Variants in CTCF observed in about 807,000 individuals in gnomAD.
CTCF encodes CCCTC-binding factor.
A neutral mutation model predicts 72.3 loss-of-function variants in CTCF; 7 were observed. The ratio of observed to expected loss-of-function variants is 0.10; its 90% confidence interval spans 0.06 to 0.18. The LOEUF (loss-of-function observed/expected upper bound fraction) is 0.18. Among genes scored for constraint, CTCF ranks in the 10% least tolerant of loss-of-function variants. CTCF has a pLI of 1.00. For synonymous variants in CTCF, 374 were observed against 315.8 expected (o/e 1.18, Z -1.95); for missense variants, 516 against 949.1 (o/e 0.54, Z 6.00).
At position 67,626,725 on chromosome 16, in the gene CTCF, T is replaced by G; in HGVS notation, c.1518+10T>G. On this transcript the variant is annotated intron_variant, in intron 8 of 11. Coordinates refer to ENST00000264010, the MANE Select transcript of CTCF (RefSeq NM_006565.4). ...TTACGCTTGTAGACAGGTAGGAACCTTCATTGAAAGTTGTTGGTGCTTTCT... is the reference window on the plus strand; with the variant it reads ...TTACGCTTGTAGACAGGTAGGAACCGTCATTGAAAGTTGTTGGTGCTTTCT... The G allele has an allele frequency of 7.1e-7, 1 of 1,401,622 alleles. No homozygotes were observed. The allele number at this position is 1,401,622 out of a possible 1,614,324, so 86.8% of individuals were successfully genotyped here.
intron 1 of CTCF, among the ~76,000 whole-genome samples, chr16:67,567,091 C>G (rs537475766): frequency 1.3e-5 from 2 of 152,230 alleles, no homozygotes; most frequent in Admixed American, 6.5e-5. Flanking sequence ...GTCTGTCTGC[C>G]TTGGCCTCCC....
intron 2 of CTCF, among the ~76,000 whole-genome samples, chr16:67,573,240 CTG>C (rs2051448792): frequency 2.6e-5 from 4 of 151,096 alleles, no homozygotes; most frequent in Non-Finnish European, 5.9e-5. Flanking sequence ...GAGTGAGACT[CTG>C]TCTCAAAAAA....
chr16:67,564,388 C>A (rs991790787), intron 1 of CTCF, among the ~76,000 whole-genome samples: 2 of 152,212 alleles, frequency 1.3e-5, no homozygotes, highest in African/African-American at 4.8e-5. Context: ...CTGGTCCTAA[C>A]CAAAGTTGTC....
In CTCF at chr16:67,614,085, G is replaced by A. The variant is rs375042561; in HGVS notation, c.952+1964G>A. On this transcript the variant is annotated intron_variant, in intron 4 of 11. Coordinates refer to ENST00000264010, the MANE Select transcript of CTCF (RefSeq NM_006565.4). ...GTAGCAGCCGGGCGCCGTAGCTCTCGCCTGTAATCCCATCACTTTGGGAGG... is the reference window on the plus strand; with the variant it reads ...GTAGCAGCCGGGCGCCGTAGCTCTCACCTGTAATCCCATCACTTTGGGAGG... 6.4e-4 allele frequency among the ~76,000 whole-genome samples: 98 copies of A among 152,186 alleles called. 1 individual carries two copies. Among genetic ancestry groups the A allele is most frequent in the African/African-American group, 2.1e-3 (87 of 41,536 alleles).
intron 1 of CTCF, among the ~76,000 whole-genome samples, chr16:67,570,559 A>G (rs1167895350): frequency 2.0e-5 from 3 of 150,010 alleles, no homozygotes; most frequent in Non-Finnish European, 4.4e-5. Context: ...CACCATTCTC[A>G]GCCTCCCAAG....
chr16:67,586,644 T>C (rs942573487), intron 2 of CTCF, among the ~76,000 whole-genome samples: 3 of 152,000 alleles, frequency 2.0e-5, no homozygotes, highest in Non-Finnish European at 4.4e-5. Context: ...TTCCAGACTG[T>C]GTCTCAAAAA....
intron 2 of CTCF, among the ~76,000 whole-genome samples, chr16:67,600,814 A>T (rs941958317): frequency 4.6e-5 from 7 of 152,110 alleles, no homozygotes; most frequent in Admixed American, 4.6e-4. Flanking sequence ...ATATTAGGTG[A>T]TTTTCGTAAT....
Position 67,601,325 on chromosome 16 carries a change from G to A in CTCF, c.-9-9499G>A, listed in dbSNP as rs553530359. Among the ~76,000 whole-genome samples the A allele has an allele frequency of 6.3e-5, 9 of 142,812 alleles. No individual in the cohort carries two copies. In the East Asian group the frequency reaches 7.8e-4, roughly 12 times the overall value. 93.7% of individuals were successfully genotyped at this position (142,812 alleles called of 152,430 possible). A position where few individuals can be genotyped will look rare whatever the true frequency, so the allele number is the denominator to read the frequency against. On this transcript the variant is annotated intron_variant, in intron 2 of 11. Transcript: ENST00000264010. ...TGTGTGTGTGTGTGTGTGTGTGTGT[G>A]TGTGTGTGTGTGTTTTGTTTTGTTT...
intron 2 of CTCF, among the ~76,000 whole-genome samples, chr16:67,574,977 G>C (rs937328004): frequency 6.6e-6 from 1 of 152,018 alleles, no homozygotes; most frequent in African/African-American, 2.4e-5. Flanking sequence ...ATTCTTAACT[G>C]TGTGTTTTAC....
chr16:67,605,862 GAC>G (rs1357776184), intron 2 of CTCF, among the ~76,000 whole-genome samples: 3 of 152,178 alleles, frequency 2.0e-5, no homozygotes, highest in African/African-American at 7.2e-5. Flanking sequence ...TGGATGAAAA[GAC>G]AGCTTGACTG....
chr16:67,573,845 A>C (rs1207267000), intron 2 of CTCF, among the ~76,000 whole-genome samples: 1 of 152,082 alleles, frequency 6.6e-6, no homozygotes, highest in African/African-American at 2.4e-5. Context: ...ATCCTGACCA[A>C]CATGGTGAAA....
chr16:67,613,064 C>T (rs1045689448), intron 4 of CTCF, among the ~76,000 whole-genome samples: 2 of 152,224 alleles, frequency 1.3e-5, no homozygotes, highest in Non-Finnish European at 2.9e-5. Flanking sequence ...ATCCTACTTA[C>T]TTTAGTGTTC....
intron 2 of CTCF, among the ~76,000 whole-genome samples, chr16:67,582,053 C>G (rs1471044236): frequency 1.3e-5 from 2 of 152,020 alleles, no homozygotes; most frequent in Middle Eastern, 3.4e-3. Flanking sequence ...GAAACCCCGT[C>G]TCTACTAAAA....
chr16:67,567,851 C>T (rs1181073886), intron 1 of CTCF: 1 of 149,420 alleles, frequency 6.7e-6, no homozygotes, highest in Non-Finnish European at 1.5e-5. Flanking sequence ...CTCGGCCTCC[C>T]AAAGTGTTGA....
chr16:67,612,229 T>C, intron 4 of CTCF, 108 bp downstream of exon 4: 1 of 954,742 alleles, frequency 1.0e-6, no homozygotes, highest in Non-Finnish European at 1.5e-6. Context: ...TTTTATTATT[T>C]CTTATGATGC....
chr16:67,630,449 T>C (rs1202579309), intron 10 of CTCF, among the ~76,000 whole-genome samples: 1 of 152,022 alleles, frequency 6.6e-6, no homozygotes, highest in Admixed American at 6.6e-5. Flanking sequence ...AGGCAGGAGG[T>C]TGTGCTTAGA....
intron 2 of CTCF, among the ~76,000 whole-genome samples, chr16:67,608,503 C>CA (rs1567607344): frequency 6.6e-6 from 1 of 151,996 alleles, no homozygotes; most frequent in Non-Finnish European, 1.5e-5. Flanking sequence ...AGTTTGGCTT[C>CA]AAAAAACAAG....
chr16:67,599,179 G>A (rs988579847), intron 2 of CTCF, among the ~76,000 whole-genome samples: 15 of 152,238 alleles, frequency 9.9e-5, no homozygotes, highest in East Asian at 5.8e-4. Flanking sequence ...GGTGGATCAC[G>A]AGGTCAGGAG....
intron 2 of CTCF, among the ~76,000 whole-genome samples, chr16:67,579,315 G>A (rs372053887): frequency 2.4e-4 from 36 of 151,692 alleles, no homozygotes; most frequent in African/African-American, 8.5e-4. Context: ...TACTATACAC[G>A]TTGTTCTAGA....
Sources: gnomAD v4.1 joint callset for allele counts (sites outside exome capture counted in the v4.1 genomes callset) on GRCh38, gnomAD v4.1.1 for gene constraint, MANE v1.5 for transcripts, NCBI Gene and HGNC (gene_info 2026-07-23, HGNC 2026-07-21) for gene names.